HMGCLL1: variants seen among roughly 807,000 people sequenced by gnomAD.
The protein encoded by HMGCLL1 is 3-hydroxymethyl-3-methylglutaryl-CoA lyase, cytoplasmic.
Under a neutral mutation model 39.1 loss-of-function variants are expected in HMGCLL1, and 36 were observed. The observed-to-expected ratio is 0.92, with a 90% CI of 0.71 to 1.22. HMGCLL1 has a LOEUF of 1.22. HMGCLL1 is among the 50% of genes most tolerant of loss of function. The probability of loss-of-function intolerance (pLI) is 0.00; values close to 1 mark genes in which losing one functional copy is unlikely to be tolerated. For missense variants in HMGCLL1, 451 were observed against 416.5 expected (o/e 1.08, Z -0.72); for synonymous variants, 149 against 144.0 (o/e 1.03, Z -0.25).
At chr6:55,530,785 A>C (rs1035846418) in intron 3 of HMGCLL1, among the ~76,000 whole-genome samples, 2 of 152,184 alleles carry the variant, frequency 1.3e-5, no homozygotes. Context: ...AGAACTTTCC[A>C]GCAATTTAAT....
chr6:55,529,899 A>C (rs1360260900), intron 3 of HMGCLL1, among the ~76,000 whole-genome samples: 1 of 152,132 alleles, frequency 6.6e-6, no homozygotes, highest in Non-Finnish European at 1.5e-5. Flanking sequence ...TGAGTGAATA[A>C]ATGGAAACAA....
At chr6:55,555,998 G>A (rs1343570828) in intron 1 of HMGCLL1, among the ~76,000 whole-genome samples, 2 of 152,042 alleles carry the variant, frequency 1.3e-5, no homozygotes, top group Non-Finnish European at 2.9e-5. Flanking sequence ...GACCCTGAAG[G>A]CCAGTATGCA....
intron 1 of HMGCLL1, among the ~76,000 whole-genome samples, chr6:55,568,598 T>A (rs552176584): frequency 2.0e-5 from 3 of 152,316 alleles, no homozygotes; most frequent in South Asian, 2.1e-4. Flanking sequence ...GCTGATAATT[T>A]GCAACTACTA....
the HMGCLL1 span, among the ~76,000 whole-genome samples, chr6:55,591,707 G>A: frequency 2.0e-5 from 3 of 149,872 alleles, no homozygotes; most frequent in East Asian, 5.8e-4. Context: ...TTTCCATTAG[G>A]GAAAACATAA....
intron 7 of HMGCLL1, among the ~76,000 whole-genome samples, chr6:55,445,356 TCTA>T (rs1442348687): frequency 1.3e-5 from 2 of 152,000 alleles, no homozygotes; most frequent in African/African-American, 4.8e-5. Context: ...TTTCTTCACA[TCTA>T]CTACCTTATT....
chr6:55,571,710 G>A (rs1001798698), intron 1 of HMGCLL1, among the ~76,000 whole-genome samples: 1 of 152,098 alleles, frequency 6.6e-6, no homozygotes, highest in African/African-American at 2.4e-5. Context: ...TCGGGAGGCT[G>A]AGGTAGGAGA....
chr6:55,545,894 GC>G (rs1251559021), intron 1 of HMGCLL1, among the ~76,000 whole-genome samples: 1 of 152,072 alleles, frequency 6.6e-6, no homozygotes, highest in Non-Finnish European at 1.5e-5. Flanking sequence ...AGTATGAAAG[GC>G]AACCCATTTA....
chr6:55,678,648 A>C, the HMGCLL1 span, among the ~76,000 whole-genome samples: 1 of 152,138 alleles, frequency 6.6e-6, no homozygotes, highest in Non-Finnish European at 1.5e-5. Context: ...ACAAACAAAC[A>C]AAAAAACTAG....
the HMGCLL1 span, among the ~76,000 whole-genome samples, chr6:55,623,214 A>AT: frequency 1.9e-4 from 29 of 151,224 alleles, no homozygotes; most frequent in African/African-American, 6.5e-4. Context: ...AATTTTGGTG[A>AT]TTTTTTTCAT....
At position 55,499,319 on chromosome 6, in the gene HMGCLL1, T is replaced by C; in HGVS notation, c.543-20A>G. On this transcript the variant is annotated intron_variant, in intron 5 of 8. Coordinates refer to ENST00000274901, the MANE Select transcript of HMGCLL1 (RefSeq NM_001042406.2). ...ACATACCTAAATTAAAAATACAGCC[T>C]TATAAATATGCATATGGTAAATAAG... 6.4e-7 allele frequency: 1 copy of C among 1,558,896 alleles called. No individual in the cohort carries two copies. Among genetic ancestry groups the C allele is most frequent in the Middle Eastern group, 1.7e-4 (1 of 5,878 alleles).
At chr6:55,515,864 T>G (rs562844691) in intron 4 of HMGCLL1, among the ~76,000 whole-genome samples, 7 of 152,246 alleles carry the variant, frequency 4.6e-5, no homozygotes, top group African/African-American at 1.7e-4. Flanking sequence ...ATAATGAATA[T>G]TTTTCATTAA....
the HMGCLL1 span, among the ~76,000 whole-genome samples, chr6:55,591,659 A>G: frequency 6.7e-6 from 1 of 148,632 alleles, no homozygotes; most frequent in Admixed American, 6.7e-5. Context: ...CAAACTAATG[A>G]AGTTTTACTC....
chr6:55,477,240 T>TAA (rs1491536378), intron 7 of HMGCLL1, among the ~76,000 whole-genome samples: 1 of 19,072 alleles, frequency 5.2e-5, no homozygotes. Flanking sequence ...ATATATTATA[T>TAA]TTATATAATA....
chr6:55,582,695 T>C (rs561635441), upstream of HMGCLL1, among the ~76,000 whole-genome samples: 2 of 152,272 alleles, frequency 1.3e-5, no homozygotes, highest in South Asian at 4.1e-4. Context: ...AGAAGATACA[T>C]AAAGATATCA....
chr6:55,500,045 T>C (rs1766792712), intron 5 of HMGCLL1, among the ~76,000 whole-genome samples: 1 of 152,048 alleles, frequency 6.6e-6, no homozygotes, highest in Admixed American at 6.6e-5. Context: ...TAAACTTACT[T>C]CAGAGACATT....
At chr6:55,480,784 G>A (rs1216485677) in intron 7 of HMGCLL1, among the ~76,000 whole-genome samples, 5 of 148,526 alleles carry the variant, frequency 3.4e-5, no homozygotes, top group Admixed American at 2.0e-4. Flanking sequence ...TAGACACAAT[G>A]GAATACTATT....
At chr6:55,637,994 T>C in the HMGCLL1 span, among the ~76,000 whole-genome samples, 1 of 152,116 alleles carries the variant, frequency 6.6e-6, no homozygotes, top group Admixed American at 6.6e-5. Flanking sequence ...AAAACTCACT[T>C]TGAACATGAT....
chr6:55,668,389 T>C, the HMGCLL1 span, among the ~76,000 whole-genome samples: 2 of 151,908 alleles, frequency 1.3e-5, no homozygotes, highest in Admixed American at 1.3e-4. Flanking sequence ...TTTTCTTCTT[T>C]ATCAGCCAGA....
chr6:55,625,523 A>C, the HMGCLL1 span, among the ~76,000 whole-genome samples: 1 of 152,102 alleles, frequency 6.6e-6, no homozygotes, highest in African/African-American at 2.4e-5. Flanking sequence ...ATGGTTCTGC[A>C]CAATATTCAG....
Sources: allele counts gnomAD v4.1 joint callset (sites outside exome capture counted in the v4.1 genomes callset), GRCh38; gene constraint gnomAD v4.1.1; transcripts MANE v1.5; gene names NCBI Gene and HGNC (gene_info 2026-07-23, HGNC 2026-07-21).